The following IQCM variants were observed in gnomAD, a reference collection of about 807,000 sequenced individuals.
The protein encoded by IQCM is IQ motif containing M.
In IQCM, 45 loss-of-function variants were observed where a neutral mutation model predicts 57.6. The observed-to-expected ratio is 0.78, with a 90% CI of 0.62 to 1.00. The LOEUF (loss-of-function observed/expected upper bound fraction) is 1.00, where lower values mean the gene tolerates loss of function less well. Among genes scored for constraint, IQCM ranks in the 50% least tolerant of loss-of-function variants. The probability of loss-of-function intolerance (pLI) is 0.00; values close to 1 mark genes in which losing one functional copy is unlikely to be tolerated. For synonymous variants in IQCM, 148 were observed against 158.9 expected, an observed-to-expected ratio of 0.93 and a Z score of 0.51; for missense variants, 468 against 511.6, an observed-to-expected ratio of 0.91 and a Z score of 0.82.
chr4:149,378,578 A>G (rs1047960826), intron 13 of IQCM, among the ~76,000 whole-genome samples: 3 of 152,110 alleles, frequency 2.0e-5, no homozygotes, highest in Admixed American at 6.6e-5. Flanking sequence ...TTTGAACTTG[A>G]GAGAGAGAAC....
At chr4:149,593,968 T>C (rs1324308656) in intron 8 of IQCM, among the ~76,000 whole-genome samples, 1 of 152,228 alleles carries the variant, frequency 6.6e-6, no homozygotes, top group African/African-American at 2.4e-5. Flanking sequence ...GATGCTGGCC[T>C]CATCAAATGA....
intron 5 of IQCM, among the ~76,000 whole-genome samples, chr4:149,717,633 C>A (rs749046251): frequency 6.6e-6 from 1 of 152,088 alleles, no homozygotes; most frequent in Non-Finnish European, 1.5e-5. Context: ...TACTAATTAG[C>A]ATTTAATAAT....
At chr4:149,626,938 G>GA (rs971544500) in intron 7 of IQCM, among the ~76,000 whole-genome samples, 98 of 150,480 alleles carry the variant, frequency 6.5e-4, no homozygotes, top group African/African-American at 2.0e-3. Flanking sequence ...AAAAAATACA[G>GA]AAAAAAAAAG....
chr4:149,551,290 A>G (rs1749003702), intron 11 of IQCM, among the ~76,000 whole-genome samples: 1 of 152,304 alleles, frequency 6.6e-6, no homozygotes, highest in South Asian at 2.1e-4. Context: ...CTTACTATCT[A>G]TAAGACTTTT....
At chr4:149,499,600 G>GT (rs1289463795) in intron 12 of IQCM, among the ~76,000 whole-genome samples, 1 of 151,940 alleles carries the variant, frequency 6.6e-6, no homozygotes, top group African/African-American at 2.4e-5. Context: ...TGCTACAATA[G>GT]TTTTTTTAAT....
At chr4:149,711,812 A>C (rs188874830) in intron 5 of IQCM, among the ~76,000 whole-genome samples, 2 of 152,136 alleles carry the variant, frequency 1.3e-5, no homozygotes, top group Admixed American at 1.3e-4. Context: ...ACTACCATCA[A>C]CTCAGTCACA....
intron 7 of IQCM, among the ~76,000 whole-genome samples, chr4:149,677,174 C>A (rs967894061): frequency 6.6e-6 from 1 of 152,032 alleles, no homozygotes; most frequent in South Asian, 2.1e-4. Flanking sequence ...ATCTGTCCCT[C>A]CCCTGGCCCA....
chr4:149,593,489 C>G (rs939021540), intron 8 of IQCM, among the ~76,000 whole-genome samples: 2 of 152,066 alleles, frequency 1.3e-5, no homozygotes, highest in Admixed American at 6.6e-5. Flanking sequence ...ACTTCCAACA[C>G]TATGTTGAAT....
At chr4:149,535,283 A>G (rs2149862566) in intron 12 of IQCM, among the ~76,000 whole-genome samples, 1 of 152,206 alleles carries the variant, frequency 6.6e-6, no homozygotes, top group South Asian at 2.1e-4. Flanking sequence ...ATTAATTAAA[A>G]GTTTGCATAT....
chr4:149,727,683 C>A (rs1056014545), intron 5 of IQCM, among the ~76,000 whole-genome samples: 1 of 152,166 alleles, frequency 6.6e-6, no homozygotes, highest in African/African-American at 2.4e-5. Flanking sequence ...TCTCATCCCC[C>A]CTTCCTGGTT....
At chr4:149,556,504 C>A (rs553264354) in intron 10 of IQCM, among the ~76,000 whole-genome samples, 322 of 152,068 alleles carry the variant, frequency 2.1e-3, no homozygotes, top group Non-Finnish European at 4.0e-3. Flanking sequence ...TTCTATAGAC[C>A]TATAAGAAGA....
At chr4:149,633,196 A>G (rs1015403582) in intron 7 of IQCM, among the ~76,000 whole-genome samples, 2 of 150,486 alleles carry the variant, frequency 1.3e-5, no homozygotes, top group Non-Finnish European at 3.0e-5. Flanking sequence ...AAAAAAAGCA[A>G]ATATCACACA....
At chr4:149,452,635 A>G (rs1026803640) in intron 12 of IQCM, among the ~76,000 whole-genome samples, 2 of 151,680 alleles carry the variant, frequency 1.3e-5, no homozygotes, top group African/African-American at 4.8e-5. Flanking sequence ...AAATTAGTGT[A>G]TACATATTGT....
At chr4:149,810,472 C>T (rs1372523416) in intron 2 of IQCM, among the ~76,000 whole-genome samples, 4 of 150,772 alleles carry the variant, frequency 2.7e-5, no homozygotes, top group Non-Finnish European at 5.9e-5. Context: ...TTCTTTGAGA[C>T]AGAGTCTTGC....
chr4:149,662,816 T>C (rs1760343067), intron 7 of IQCM, among the ~76,000 whole-genome samples: 1 of 152,050 alleles, frequency 6.6e-6, no homozygotes, highest in South Asian at 2.1e-4. Context: ...GTGAGTACCT[T>C]ATTGGCAGCA....
intron 12 of IQCM, among the ~76,000 whole-genome samples, chr4:149,455,410 C>T (rs1176884770): frequency 6.6e-6 from 1 of 152,072 alleles, no homozygotes; most frequent in Admixed American, 6.6e-5. Flanking sequence ...TGAGAATGCC[C>T]TTCCCAGCAC....
In IQCM at chr4:149,553,296, A is replaced by T. The variant is rs1002321757; in HGVS notation, c.949-9T>A. On this transcript the variant is annotated splice_polypyrimidine_tract_variant and intron_variant, in intron 10 of 13. Transcript: ENST00000636793. Reference sequence around the variant, plus strand: ...GGTCCATGATCCAAAGCCTACAAAGACAGAAAAGCTCCTTATATATTTCTG... The same window carrying T: ...GGTCCATGATCCAAAGCCTACAAAGTCAGAAAAGCTCCTTATATATTTCTG... 1 of 1,231,464 alleles carries T rather than the reference A, an allele frequency of 8.1e-7. No individual in the cohort carries two copies. The highest frequency in any genetic ancestry group is 1.6e-5 in the African/African-American group (1 of 64,400). 76.3% of individuals were successfully genotyped at this position (1,231,464 alleles called of 1,614,324 possible).
chr4:149,647,822 T>C (rs561460063), intron 7 of IQCM, among the ~76,000 whole-genome samples: 7 of 152,330 alleles, frequency 4.6e-5, no homozygotes, highest in Non-Finnish European at 1.0e-4. Flanking sequence ...TCCCTACAGA[T>C]GTGGCCTTTG....
At chr4:149,513,022 A>C (rs2149813211) in intron 12 of IQCM, among the ~76,000 whole-genome samples, 1 of 152,326 alleles carries the variant, frequency 6.6e-6, no homozygotes, top group East Asian at 1.9e-4. Flanking sequence ...CCTAATGCAG[A>C]CTAGTGAACT....
Sources: gnomAD v4.1 joint callset for allele counts (sites outside exome capture counted in the v4.1 genomes callset) on GRCh38, gnomAD v4.1.1 for gene constraint, MANE v1.5 for transcripts, NCBI Gene and HGNC (gene_info 2026-07-23, HGNC 2026-07-21) for gene names.